HIPK2: variants seen among roughly 807,000 people sequenced by gnomAD.
The protein encoded by HIPK2 is homeodomain-interacting protein kinase 2.
In HIPK2, 27 loss-of-function variants were observed where a neutral mutation model predicts 113.7. The ratio of observed to expected loss-of-function variants is 0.24; its 90% CI spans 0.17 to 0.33. HIPK2 has a LOEUF of 0.33. Among genes scored for constraint, HIPK2 ranks in the 10% least tolerant of loss-of-function variants. HIPK2 has a pLI of 1.00. For missense variants in HIPK2, 1,257 were observed against 1,588.0 expected (o/e 0.79, Z 3.54); for synonymous variants, 631 against 642.2 (o/e 0.98, Z 0.26).
intron 8 of HIPK2, 147 bp downstream of exon 8, chr7:139,614,139 C>T: frequency 1.4e-6 from 1 of 725,734 alleles, no homozygotes. Context: ...GAGGAGCCCT[C>T]TAGTTCAGTG....
intron 2 of HIPK2, among the ~76,000 whole-genome samples, chr7:139,686,733 C>T (rs569300592): frequency 2.0e-5 from 3 of 152,286 alleles, no homozygotes; most frequent in East Asian, 3.9e-4. Flanking sequence ...TACCCAGTCT[C>T]GGGTATTTCT....
chr7:139,572,914 T>A lies in HIPK2; in HGVS notation c.*13A>T. On this transcript the variant is annotated 3_prime_UTR_variant, in exon 15 of 15. Transcript: ENST00000406875. ...TTCTCTCCCTCCCTCCCTCCCTCCCTCCCCTCCAGTGTTTATATGTAAGGG... is the reference window on the plus strand; with the variant it reads ...TTCTCTCCCTCCCTCCCTCCCTCCCACCCCTCCAGTGTTTATATGTAAGGG... The A allele has an allele frequency of 6.5e-5, 12 of 183,432 alleles. No homozygotes were observed. Among genetic ancestry groups the A allele is most frequent in the Non-Finnish European group, 1.1e-4 (11 of 95,926 alleles). 11.4% of individuals were successfully genotyped at this position (183,432 alleles called of 1,614,324 possible).
rs978800022 is a variant in HIPK2, at chr7:139,564,269, G to C, written c.*8658C>G. ...GCGACCATGGGAATAGGGGTATATG[G>C]TCCTCCCCTACAAAACGCTGATCAA... On this transcript the variant is annotated 3_prime_UTR_variant, in exon 15 of 15. Coordinates refer to ENST00000406875, the MANE Select transcript of HIPK2 (RefSeq NM_022740.5). 1 of 236,430 alleles carries C rather than the reference G, an allele frequency of 4.2e-6. No homozygotes were observed. Among genetic ancestry groups the C allele is most frequent in the Non-Finnish European group, 8.1e-6 (1 of 123,734 alleles). The allele number at this position is 236,430 out of a possible 1,614,324, so 14.6% of individuals were successfully genotyped here. A position where few individuals can be genotyped will look rare whatever the true frequency, so the allele number is the denominator to read the frequency against.
At chr7:139,621,611 C>G (rs766416650) in intron 6 of HIPK2, among the ~76,000 whole-genome samples, 21 of 152,170 alleles carry the variant, frequency 1.4e-4, no homozygotes, top group Non-Finnish European at 2.5e-4. Flanking sequence ...TACTTTTCCT[C>G]AAATGCTAAT....
chr7:139,627,560 G>C (rs1015779767), intron 5 of HIPK2, among the ~76,000 whole-genome samples: 2 of 152,154 alleles, frequency 1.3e-5, no homozygotes, highest in Non-Finnish European at 2.9e-5. Context: ...GGCTTGTTTT[G>C]TGGTGATTTC....
rs1457633457 is a variant in HIPK2 at position 139,567,998 on chromosome 7, C to T, written c.*4929G>A. The T allele has an allele frequency of 6.6e-6, 1 of 152,388 alleles. No homozygotes were observed. The highest frequency in any genetic ancestry group is 1.5e-5 in the Non-Finnish European group (1 of 68,184). The allele number at this position is 152,388 out of a possible 1,614,324, so 9.4% of individuals were successfully genotyped here. On this transcript the variant is annotated 3_prime_UTR_variant, in exon 15 of 15. Coordinates refer to ENST00000406875, the MANE Select transcript of HIPK2 (RefSeq NM_022740.5). ...CCGAAGCCTCCTCATCTCCTCCCTC[C>T]AGTTTCCAAGAAAGTTTGTTCCACT...
At chr7:139,701,194 G>C (rs1794696469) in intron 2 of HIPK2, among the ~76,000 whole-genome samples, 1 of 152,202 alleles carries the variant, frequency 6.6e-6, no homozygotes, top group South Asian at 2.1e-4. Context: ...TTTGTGCCCA[G>C]TGTCTAAGTC....
In HIPK2 at chr7:139,572,591, T is replaced by G. The variant is rs1458970219; in HGVS notation, c.*336A>C. The G allele has an allele frequency of 4.6e-6, 1 of 215,338 alleles. No homozygotes were observed. Among genetic ancestry groups the G allele is most frequent in the East Asian group, 9.8e-5 (1 of 10,222 alleles). 13.3% of individuals were successfully genotyped at this position (215,338 alleles called of 1,614,324 possible). A position where few individuals can be genotyped will look rare whatever the true frequency, so the allele number is the denominator to read the frequency against. Reference sequence around the variant, plus strand: ...TTTGGCGTAGAATGGGTTCTTGAGCTGGGTTTTTTGTTATTGACTTTTTTT... The same window carrying G: ...TTTGGCGTAGAATGGGTTCTTGAGCGGGGTTTTTTGTTATTGACTTTTTTT... On this transcript the variant is annotated 3_prime_UTR_variant, in exon 15 of 15. Transcript: ENST00000406875.
chr7:139,683,226 G>A lies in HIPK2; in HGVS notation c.1103+32706C>T, dbSNP rs555968070. 6.6e-6 allele frequency among the ~76,000 whole-genome samples: 1 copy of A among 152,312 alleles called. No individual in the cohort carries two copies. The highest frequency in any genetic ancestry group is 2.4e-5 in the African/African-American group (1 of 41,566). On this transcript the variant is annotated intron_variant, in intron 2 of 14. Coordinates refer to ENST00000406875, the MANE Select transcript of HIPK2 (RefSeq NM_022740.5). The surrounding 1 kb of genome is among the most constrained non-coding windows in gnomAD (Gnocchi z 4.2). Reference sequence around the variant, plus strand: ...TATATAACACGCGTGCCACACACGAGGATAAAAATGCGAACAGAGACTGCA... The same window carrying A: ...TATATAACACGCGTGCCACACACGAAGATAAAAATGCGAACAGAGACTGCA...
intron 1 of HIPK2, among the ~76,000 whole-genome samples, chr7:139,772,555 A>G (rs1796669380): frequency 6.8e-6 from 1 of 146,086 alleles, no homozygotes; most frequent in South Asian, 2.1e-4. Flanking sequence ...TAAAGAAAAC[A>G]CTTCAAGAGA....
chr7:139,622,889 G>A (rs961535393), intron 6 of HIPK2, among the ~76,000 whole-genome samples: 5 of 152,122 alleles, frequency 3.3e-5, no homozygotes, highest in African/African-American at 9.7e-5. Flanking sequence ...TGATGCTCAC[G>A]GTCTCCATGT....
chr7:139,600,240 C>T, intron 11 of HIPK2, 177 bp downstream of exon 11: 2 of 283,072 alleles, frequency 7.1e-6, no homozygotes, highest in Non-Finnish European at 5.3e-6. Context: ...TTCCTGCAAA[C>T]CCTAGGCCAA....
At chr7:139,662,092 C>T (rs940521899) in intron 2 of HIPK2, among the ~76,000 whole-genome samples, 3 of 152,204 alleles carry the variant, frequency 2.0e-5, no homozygotes, top group Non-Finnish European at 4.4e-5. Context: ...CACAAACGTG[C>T]TAAAAAGCCT....
Position 139,631,827 on chromosome 7 carries a change from C to T in HIPK2, c.1104-102G>A. ...AAACCTGGGGTGCCATTACTGACTC[C>T]TCCTCTGAAGGGCCTGTGGCTCTCA... On this transcript the variant is annotated intron_variant, in intron 2 of 14. Transcript: ENST00000406875. This position sits in a 1 kb window ranked among gnomAD's most constrained non-coding sequence, Gnocchi z 4.9. The T allele has an allele frequency of 1.4e-6, 2 of 1,410,038 alleles. No individual in the cohort carries two copies. Among genetic ancestry groups the T allele is most frequent in the South Asian group, 2.9e-5 (2 of 68,216 alleles). 87.3% of individuals were successfully genotyped at this position (1,410,038 alleles called of 1,614,324 possible).
Position 139,566,799 on chromosome 7 carries a change from G to C in HIPK2, c.*6128C>G, listed in dbSNP as rs1194234480. The C allele has an allele frequency of 6.6e-6, 1 of 152,198 alleles. No individual in the cohort carries two copies. Among genetic ancestry groups the C allele is most frequent in the Non-Finnish European group, 1.5e-5 (1 of 68,036 alleles). 9.4% of individuals were successfully genotyped at this position (152,198 alleles called of 1,614,324 possible). Reference sequence around the variant, plus strand: ...AGATATTGCAAATTTTAACAAATAAGGGACAGTCAGTGTCATGTTCAACAC... The same window carrying C: ...AGATATTGCAAATTTTAACAAATAACGGACAGTCAGTGTCATGTTCAACAC... On this transcript the variant is annotated 3_prime_UTR_variant, in exon 15 of 15. Coordinates refer to ENST00000406875, the MANE Select transcript of HIPK2 (RefSeq NM_022740.5). This position sits in a 1 kb window ranked among gnomAD's most constrained non-coding sequence, Gnocchi z 4.1.
At chr7:139,702,282 G>A (rs1013271841) in intron 2 of HIPK2, among the ~76,000 whole-genome samples, 1 of 152,176 alleles carries the variant, frequency 6.6e-6, no homozygotes, top group Non-Finnish European at 1.5e-5. Flanking sequence ...CACTGTGGAA[G>A]GACATTTACA....
At chr7:139,652,910 G>A (rs1225688007) in intron 2 of HIPK2, among the ~76,000 whole-genome samples, 1 of 151,912 alleles carries the variant, frequency 6.6e-6, no homozygotes, top group East Asian at 1.9e-4. Flanking sequence ...TGGGAGGCCG[G>A]GGTGGGTGGA....
At position 139,572,385 on chromosome 7, in the gene HIPK2, C is replaced by T. The variant is rs1296928215; in HGVS notation, c.*542G>A. 1 of 152,300 alleles carries T rather than the reference C, an allele frequency of 6.6e-6. No homozygotes were observed. Among genetic ancestry groups the T allele is most frequent in the Admixed American group, 6.5e-5 (1 of 15,290 alleles). 9.4% of individuals were successfully genotyped at this position (152,300 alleles called of 1,614,324 possible). ...GACCCTTTCGAGTTCTGGAAAAATC[C>T]CTAAATCTTATGTTCAATTAATTAA... On this transcript the variant is annotated 3_prime_UTR_variant, in exon 15 of 15. Transcript: ENST00000406875.
At chr7:139,576,590 A>T (rs1008584739) in intron 13 of HIPK2, among the ~76,000 whole-genome samples, 1 of 152,140 alleles carries the variant, frequency 6.6e-6, no homozygotes, top group East Asian at 1.9e-4. Flanking sequence ...GTATTTTCTG[A>T]GCTCCTGCCC....
Sources: allele counts gnomAD v4.1 joint callset (sites outside exome capture counted in the v4.1 genomes callset), GRCh38; gene constraint gnomAD v4.1.1; non-coding constraint Gnocchi (gnomAD v3.1); transcripts MANE v1.5; gene names NCBI Gene and HGNC (gene_info 2026-07-23, HGNC 2026-07-21).